The following GRM5 variants were observed in gnomAD, a reference collection of about 807,000 sequenced individuals.
GRM5 encodes metabotropic glutamate receptor 5.
A neutral mutation model predicts 83.1 loss-of-function variants in GRM5; 19 were observed. The observed-to-expected ratio is 0.23, with a 90% CI of 0.16 to 0.34. The LOEUF is 0.34. GRM5 is among the 10% of genes least tolerant of loss of function. The probability of loss-of-function intolerance (pLI) is 1.00; values close to 1 mark genes in which losing one functional copy is unlikely to be tolerated. For missense variants in GRM5, 1,160 were observed against 1,588.3 expected (o/e 0.73, Z 4.58); for synonymous variants, 675 against 633.6 (o/e 1.07, Z -0.98).
intron 2 of GRM5, among the ~76,000 whole-genome samples, chr11:88,886,720 G>C (rs1483523289): frequency 1.3e-5 from 2 of 152,134 alleles, no homozygotes; most frequent in Non-Finnish European, 2.9e-5. Context: ...GTCGGCAACA[G>C]AATCTCCAAC....
At chr11:88,615,214 T>C (rs532958466) in intron 4 of GRM5, among the ~76,000 whole-genome samples, 6 of 152,192 alleles carry the variant, frequency 3.9e-5, no homozygotes, top group African/African-American at 1.4e-4. Context: ...TGACTATTTT[T>C]CCTAATCACC....
intron 3 of GRM5, among the ~76,000 whole-genome samples, chr11:88,702,625 T>C (rs76496865): frequency 0.016 from 2,492 of 152,200 alleles, 64 homozygotes; most frequent in African/African-American, 0.056. Flanking sequence ...TGATAAGGTG[T>C]TATGGACTGA....
intron 7 of GRM5, among the ~76,000 whole-genome samples, chr11:88,578,489 C>T (rs1943158690): frequency 6.6e-6 from 1 of 152,074 alleles, no homozygotes; most frequent in Non-Finnish European, 1.5e-5. Context: ...TTTGGTCAGA[C>T]CACAAATTTA....
At chr11:88,563,152 G>A (rs997130238) in intron 8 of GRM5, among the ~76,000 whole-genome samples, 1 of 152,068 alleles carries the variant, frequency 6.6e-6, no homozygotes, top group African/African-American at 2.4e-5. Flanking sequence ...CTACGTGCTG[G>A]TACTAAACAC....
intron 3 of GRM5, among the ~76,000 whole-genome samples, chr11:88,824,494 A>T (rs1410887998): frequency 2.0e-5 from 3 of 152,150 alleles, no homozygotes; most frequent in African/African-American, 7.2e-5. Flanking sequence ...CATGGAAGAC[A>T]ATTTTTCCAC....
At chr11:88,883,652 A>T (rs186644188) in intron 2 of GRM5, among the ~76,000 whole-genome samples, 11 of 152,284 alleles carry the variant, frequency 7.2e-5, no homozygotes, top group Admixed American at 7.2e-4. Flanking sequence ...GACAGTGGGG[A>T]AAATGTCTCC....
chr11:88,850,235 TAGG>T (rs1259230003), intron 2 of GRM5, 80 bp from the exon 3 acceptor site: 1 of 736,376 alleles, frequency 1.4e-6, no homozygotes, highest in East Asian at 2.7e-5. Context: ...ATGCAGGTGT[TAGG>T]AGCATGAAAG....
intron 3 of GRM5, among the ~76,000 whole-genome samples, chr11:88,773,447 T>G (rs1442476824): frequency 6.6e-6 from 1 of 152,204 alleles, no homozygotes; most frequent in Non-Finnish European, 1.5e-5. Context: ...CAGAAGCTCT[T>G]TAGTTTAATT....
At chr11:88,948,002 G>A (rs1299026276) in intron 2 of GRM5, among the ~76,000 whole-genome samples, 2 of 152,096 alleles carry the variant, frequency 1.3e-5, no homozygotes. Flanking sequence ...TCATGGAAAT[G>A]CCTGAGAGGT....
intron 2 of GRM5, among the ~76,000 whole-genome samples, chr11:88,933,616 C>T (rs543839283): frequency 1.3e-5 from 2 of 151,912 alleles, no homozygotes; most frequent in East Asian, 3.9e-4. Flanking sequence ...AGACCTATTT[C>T]GTTTGAGTCG....
chr11:88,746,756 C>T (rs1942154184), intron 3 of GRM5, among the ~76,000 whole-genome samples: 1 of 152,152 alleles, frequency 6.6e-6, no homozygotes, highest in South Asian at 2.1e-4. Flanking sequence ...TATATATTCA[C>T]ACATCAAAGA....
intron 2 of GRM5, among the ~76,000 whole-genome samples, chr11:89,008,217 T>C (rs1565332977): frequency 6.6e-6 from 1 of 152,166 alleles, no homozygotes; most frequent in Non-Finnish European, 1.5e-5. Context: ...TATGCAGTGC[T>C]GACATGTAAA....
At chr11:89,033,335 T>C (rs1208475125) in intron 2 of GRM5, among the ~76,000 whole-genome samples, 1 of 146,764 alleles carries the variant, frequency 6.8e-6, no homozygotes, top group South Asian at 2.1e-4. Flanking sequence ...TGAAACCAAA[T>C]TGTTTTTATT....
At chr11:88,734,151 A>G (rs1170133852) in intron 3 of GRM5, among the ~76,000 whole-genome samples, 1 of 151,920 alleles carries the variant, frequency 6.6e-6, no homozygotes, top group Non-Finnish European at 1.5e-5. Context: ...GCAATTCAGT[A>G]GCAAAAAATT....
intron 3 of GRM5, among the ~76,000 whole-genome samples, chr11:88,802,340 T>C (rs1198957160): frequency 6.6e-6 from 1 of 152,150 alleles, no homozygotes; most frequent in Non-Finnish European, 1.5e-5. Flanking sequence ...CTATTTATAG[T>C]GTATACATAG....
chr11:89,008,029 A>G (rs1259481607), intron 2 of GRM5, among the ~76,000 whole-genome samples: 1 of 152,210 alleles, frequency 6.6e-6, no homozygotes, highest in East Asian at 1.9e-4. Flanking sequence ...ATACCATTGT[A>G]TGTACTCAGA....
chr11:88,837,347 G>T (rs1399252308), intron 3 of GRM5, among the ~76,000 whole-genome samples: 1 of 152,086 alleles, frequency 6.6e-6, no homozygotes, highest in Non-Finnish European at 1.5e-5. Context: ...CAAATTAGTT[G>T]TCTCTCTGTG....
At chr11:89,033,215 G>T (rs1459052532) in intron 2 of GRM5, among the ~76,000 whole-genome samples, 1 of 151,938 alleles carries the variant, frequency 6.6e-6, no homozygotes, top group East Asian at 1.9e-4. Context: ...TTGCAAATGA[G>T]GATCTGTGTA....
Position 88,733,781 on chromosome 11 carries a change from T to C in GRM5, c.912-80378A>G, listed in dbSNP as rs755581627. ...AACGTGTAAATTTTATTCTTGTAAC[T>C]GTTTATTGTCCTAGGGGAGTGCAAG... On this transcript the variant is annotated intron_variant, in intron 3 of 9. Coordinates refer to ENST00000305447, the MANE Select transcript of GRM5 (RefSeq NM_001143831.3). Among the ~76,000 whole-genome samples the C allele has an allele frequency of 5.2e-4, 79 of 152,078 alleles. 2 individuals are homozygous for C. The highest frequency in any genetic ancestry group is 8.8e-5 in the Non-Finnish European group (6 of 67,978).
Sources: gnomAD v4.1 joint callset for allele counts (sites outside exome capture counted in the v4.1 genomes callset) on GRCh38, gnomAD v4.1.1 for gene constraint, MANE v1.5 for transcripts, NCBI Gene and HGNC (gene_info 2026-07-23, HGNC 2026-07-21) for gene names.